The following ZC4H2 variants were observed in gnomAD, a reference collection of about 807,000 sequenced individuals.
The protein encoded by ZC4H2 is zinc finger C4H2-type containing.
For missense variants in ZC4H2, 137 were observed against 173.9 expected, an observed-to-expected ratio of 0.79 and a Z score of 1.19; for synonymous variants, 84 against 66.3, an observed-to-expected ratio of 1.27 and a Z score of -1.30.
At chrX:64,966,808 T>A (rs1169568431) in intron 1 of ZC4H2, among the ~76,000 whole-genome samples, 8 of 111,920 alleles carry the variant, frequency 7.1e-5, no homozygotes, top group Non-Finnish European at 1.1e-4. Context: ...AGAACAAAGA[T>A]CAACTGAAAC....
chrX:64,952,301 T>C (rs1290852545), intron 1 of ZC4H2, among the ~76,000 whole-genome samples: 1 of 108,839 alleles, frequency 9.2e-6, no homozygotes, highest in East Asian at 2.9e-4. Context: ...TTTGGTTCCA[T>C]ATGAACTTTC....
At chrX:64,997,274 T>A (rs963615343) in intron 1 of ZC4H2, among the ~76,000 whole-genome samples, 7 of 112,143 alleles carry the variant, frequency 6.2e-5, no homozygotes, top group South Asian at 3.7e-4. Flanking sequence ...GATGGCACTA[T>A]CAAGACACAC....
intron 1 of ZC4H2, among the ~76,000 whole-genome samples, chrX:64,991,361 G>A (rs1244253729): frequency 1.8e-5 from 2 of 111,578 alleles, no homozygotes; most frequent in Non-Finnish European, 3.8e-5. Context: ...GTTAAGCATA[G>A]GACTTATCAG....
At chrX:64,955,016 T>C (rs1233622983) in intron 1 of ZC4H2, among the ~76,000 whole-genome samples, 1 of 111,877 alleles carries the variant, frequency 8.9e-6, no homozygotes, top group African/African-American at 3.2e-5. Flanking sequence ...GACAGCCACT[T>C]TGTCCTTCCT....
At chrX:64,942,275 C>A (rs5964887) in intron 1 of ZC4H2, among the ~76,000 whole-genome samples, 15,724 of 110,143 alleles carry the variant, frequency 0.14, 2,698 homozygotes, top group African/African-American at 0.49. Context: ...CTATTTGATT[C>A]TTCTCTTTTC....
intron 1 of ZC4H2, among the ~76,000 whole-genome samples, chrX:65,028,142 C>T (rs1468307953): frequency 1.8e-5 from 2 of 111,397 alleles, no homozygotes; most frequent in African/African-American, 6.5e-5. Context: ...ATATTGATAT[C>T]TATCTATATC....
chrX:64,999,997 G>C (rs1932504011), intron 1 of ZC4H2, among the ~76,000 whole-genome samples: 1 of 112,108 alleles, frequency 8.9e-6, no homozygotes, highest in African/African-American at 3.2e-5. Flanking sequence ...TGGGGGAAGG[G>C]GCGGTTGTGG....
intron 1 of ZC4H2, among the ~76,000 whole-genome samples, chrX:64,946,130 G>A (rs1359191837): frequency 9.2e-6 from 1 of 108,634 alleles, no homozygotes; most frequent in Non-Finnish European, 1.9e-5. Context: ...TGGCGTGTGG[G>A]AAAAAAAACC....
chrX:64,929,652 C>A (rs755859953), intron 1 of ZC4H2, among the ~76,000 whole-genome samples: 67 of 111,186 alleles, frequency 6.0e-4, no homozygotes, highest in Non-Finnish European at 9.8e-4. Flanking sequence ...TTTTTGTATG[C>A]TTTGTCAATA....
chrX:65,020,754 C>T (rs1192509143), intron 1 of ZC4H2, among the ~76,000 whole-genome samples: 1 of 111,717 alleles, frequency 9.0e-6, no homozygotes, highest in Non-Finnish European at 1.9e-5. Context: ...GATAAAGAGT[C>T]AAGTCCCATC....
At chrX:64,927,405 G>C (rs1929476583) in intron 1 of ZC4H2, among the ~76,000 whole-genome samples, 1 of 110,945 alleles carries the variant, frequency 9.0e-6, no homozygotes, top group African/African-American at 3.3e-5. Context: ...TCCTGTGTTA[G>C]TTTGCTGACA....
rs189120357 is a variant in ZC4H2 at position 64,930,418 on chromosome X, G to A, written c.54-8430C>T. Among the ~76,000 whole-genome samples the A allele has an allele frequency of 6.1e-4, 68 of 111,679 alleles. 1 individual carries two copies. Among genetic ancestry groups the A allele is most frequent in the Non-Finnish European group, 5.1e-4 (27 of 53,076 alleles). ...TTCCAGTACTATGTTCAATAGAAGT[G>A]GTGACAATAGGCATCCTTGTCTTGT... On this transcript the variant is annotated intron_variant, in intron 1 of 4. Transcript: ENST00000374839.
intron 1 of ZC4H2, among the ~76,000 whole-genome samples, chrX:64,963,080 AACAG>A (rs1357059540): frequency 9.0e-6 from 1 of 111,381 alleles, no homozygotes; most frequent in African/African-American, 3.3e-5. Flanking sequence ...CTGCCATAAA[AACAG>A]ACATAGAGGC....
chrX:64,945,292 T>A (rs929325766), intron 1 of ZC4H2, among the ~76,000 whole-genome samples: 5 of 112,585 alleles, frequency 4.4e-5, no homozygotes, highest in Non-Finnish European at 9.4e-5. Context: ...TCGATGTTGA[T>A]GTTATTGCTT....
At chrX:64,951,914 T>C (rs893583010) in intron 1 of ZC4H2, among the ~76,000 whole-genome samples, 2 of 111,802 alleles carry the variant, frequency 1.8e-5, no homozygotes, top group Admixed American at 9.5e-5. Context: ...GGTTTTCTTC[T>C]AGGGTTTTTA....
At chrX:65,024,558 A>G (rs1226851186) in intron 1 of ZC4H2, among the ~76,000 whole-genome samples, 2 of 112,029 alleles carry the variant, frequency 1.8e-5, no homozygotes. Context: ...AGATCATTAT[A>G]TGAAAAAAAC....
chrX:64,943,612 T>C (rs1930392221), intron 1 of ZC4H2, among the ~76,000 whole-genome samples: 1 of 107,547 alleles, frequency 9.3e-6, no homozygotes, highest in African/African-American at 3.3e-5. Flanking sequence ...TGATCTTTGT[T>C]GTTTAAGGTC....
chrX:64,972,414 T>C (rs779617124), intron 1 of ZC4H2, among the ~76,000 whole-genome samples: 2 of 111,824 alleles, frequency 1.8e-5, no homozygotes, highest in African/African-American at 3.3e-5. Flanking sequence ...GGTCATTAGA[T>C]GATGCTGCTG....
chrX:64,991,810 T>C (rs1569225689), intron 1 of ZC4H2, among the ~76,000 whole-genome samples: 1 of 112,145 alleles, frequency 8.9e-6, no homozygotes. Context: ...AAATAAGGTG[T>C]GGTCCGTCTT....
Sources: allele counts gnomAD v4.1 joint callset (sites outside exome capture counted in the v4.1 genomes callset), GRCh38; gene constraint gnomAD v4.1.1; transcripts MANE v1.5; gene names NCBI Gene and HGNC (gene_info 2026-07-23, HGNC 2026-07-21).